The following INPP4B variants were observed in gnomAD, a reference collection of about 807,000 sequenced individuals.
The protein encoded by INPP4B is inositol polyphosphate 4-phosphatase type II.
Under a neutral mutation model 122.5 loss-of-function variants are expected in INPP4B, and 55 were observed. The observed-to-expected ratio is 0.45, with a 90% CI of 0.36 to 0.56. The LOEUF (loss-of-function observed/expected upper bound fraction) is 0.56. Among genes scored for constraint, INPP4B ranks in the 20% least tolerant of loss-of-function variants. The pLI is 0.00. For missense variants in INPP4B, 1,000 were observed against 1,097.7 expected (o/e 0.91, Z 1.26); for synonymous variants, 403 against 388.7 (o/e 1.04, Z -0.43).
intron 2 of INPP4B, among the ~76,000 whole-genome samples, chr4:142,605,205 T>C (rs1170642332): frequency 2.0e-5 from 3 of 152,134 alleles, no homozygotes; most frequent in South Asian, 2.1e-4. Flanking sequence ...TGAATAACCA[T>C]ATGCAGAAAA....
At chr4:142,374,654 A>C (rs1410621723) in intron 7 of INPP4B, among the ~76,000 whole-genome samples, 1 of 151,936 alleles carries the variant, frequency 6.6e-6, no homozygotes, top group African/African-American at 2.4e-5. Flanking sequence ...AATGTTAAGA[A>C]ATGACTAGAC....
chr4:142,440,609 G>A (rs1352908725), intron 3 of INPP4B, among the ~76,000 whole-genome samples: 1 of 152,110 alleles, frequency 6.6e-6, no homozygotes, highest in African/African-American at 2.4e-5. Flanking sequence ...TGTGGGCTGG[G>A]AAATACAAGC....
intron 8 of INPP4B, among the ~76,000 whole-genome samples, chr4:142,311,376 G>A (rs1025978515): frequency 1.3e-5 from 2 of 152,022 alleles, no homozygotes; most frequent in East Asian, 3.9e-4. Context: ...GAGTTCTGAT[G>A]GGTCACAAAA....
chr4:142,275,205 CA>C (rs1008142183), intron 9 of INPP4B, among the ~76,000 whole-genome samples: 2 of 151,426 alleles, frequency 1.3e-5, no homozygotes, highest in African/African-American at 2.4e-5. Flanking sequence ...GACACTTTTT[CA>C]AAACTTCTTT....
intron 17 of INPP4B, among the ~76,000 whole-genome samples, chr4:142,147,629 T>C (rs1478838140): frequency 6.6e-6 from 1 of 152,152 alleles, no homozygotes; most frequent in African/African-American, 2.4e-5. Flanking sequence ...GTTGAAATTA[T>C]TACTATTTGG....
chr4:142,398,401 A>AATAT lies in INPP4B; in HGVS notation c.372+4533_372+4536dup, dbSNP rs1206023677. 5.0e-3 allele frequency among the ~76,000 whole-genome samples: 141 copies of AATAT among 28,210 alleles called. 1 individual carries two copies. The highest frequency in any genetic ancestry group is 0.011 in the South Asian group (5 of 442). The allele number at this position is 28,210 out of a possible 152,430, so 18.5% of individuals were successfully genotyped here. A position where few individuals can be genotyped will look rare whatever the true frequency, so the allele number is the denominator to read the frequency against. ...TAAAAAAAAAAAAAAAAAAAAAAAA[A>AATAT]ATATATATATATATATATATATATA... is the stretch of plus-strand genomic sequence containing the variant. On this transcript the variant is annotated intron_variant, in intron 7 of 25. Transcript: ENST00000262992.
At chr4:142,762,157 A>G (rs1372523792) in intron 1 of INPP4B, among the ~76,000 whole-genome samples, 1 of 152,040 alleles carries the variant, frequency 6.6e-6, no homozygotes, top group Non-Finnish European at 1.5e-5. Context: ...TACACACTCT[A>G]CATGTCTGTG....
At chr4:142,133,534 T>A (rs1802396780) in intron 18 of INPP4B, among the ~76,000 whole-genome samples, 3 of 152,210 alleles carry the variant, frequency 2.0e-5, no homozygotes. Flanking sequence ...CACAACAGCC[T>A]AGGTGTTAAT....
intron 16 of INPP4B, among the ~76,000 whole-genome samples, chr4:142,166,679 T>G: frequency 6.6e-6 from 1 of 150,686 alleles, no homozygotes; most frequent in East Asian, 2.0e-4. Context: ...ACAAGGAACT[T>G]AAACAAATTT....
chr4:142,096,997 A>G (rs1186042715), intron 23 of INPP4B, among the ~76,000 whole-genome samples: 9 of 152,028 alleles, frequency 5.9e-5, no homozygotes, highest in African/African-American at 1.9e-4. Context: ...TTCTTAATCT[A>G]TGTCCTGGGG....
At chr4:142,649,610 T>A (rs1330421692) in intron 2 of INPP4B, among the ~76,000 whole-genome samples, 1 of 151,920 alleles carries the variant, frequency 6.6e-6, no homozygotes, top group East Asian at 1.9e-4. Flanking sequence ...GAAGAAAGAG[T>A]ATCAGTGATT....
chr4:142,494,696 G>C (rs982727848), intron 2 of INPP4B, among the ~76,000 whole-genome samples: 4 of 151,972 alleles, frequency 2.6e-5, no homozygotes, highest in African/African-American at 4.8e-5. Flanking sequence ...TTGTCCTCTA[G>C]GTAATATGCA....
At chr4:142,079,974 T>G (rs548173612) in intron 25 of INPP4B, among the ~76,000 whole-genome samples, 2 of 152,250 alleles carry the variant, frequency 1.3e-5, no homozygotes, top group African/African-American at 4.8e-5. Context: ...TTTTTTAATT[T>G]TTTTAACCAA....
chr4:142,369,587 A>AAAATAAATAAAT lies in INPP4B; in HGVS notation c.372+33339_372+33350dup, dbSNP rs34391492. On this transcript the variant is annotated intron_variant, in intron 7 of 25. Coordinates refer to ENST00000262992, the MANE Select transcript of INPP4B (RefSeq NM_001101669.3). Reference sequence around the variant, plus strand: ...ATGAGACCCTGTCTCGAAAATTAAAAAAATAAATAAATAAATAAATAAATA... The same window carrying AAAATAAATAAAT: ...ATGAGACCCTGTCTCGAAAATTAAAAAAATAAATAAATAAATAAATAAATAAATAAATAAATA... 2.1e-3 allele frequency among the ~76,000 whole-genome samples: 297 copies of AAAATAAATAAAT among 142,446 alleles called. 5 individuals are homozygous for AAAATAAATAAAT. Among genetic ancestry groups the AAAATAAATAAAT allele is most frequent in the African/African-American group, 6.9e-3 (267 of 38,820 alleles). 93.5% of individuals were successfully genotyped at this position (142,446 alleles called of 152,430 possible).
intron 2 of INPP4B, among the ~76,000 whole-genome samples, chr4:142,661,735 C>T (rs181014130): frequency 9.8e-5 from 15 of 152,314 alleles, no homozygotes; most frequent in African/African-American, 3.1e-4. Context: ...ACTACAGCTA[C>T]TAACTAGGAA....
intron 7 of INPP4B, among the ~76,000 whole-genome samples, chr4:142,358,650 T>A (rs200582505): frequency 4.4e-3 from 513 of 117,272 alleles, no homozygotes; most frequent in Non-Finnish European, 5.0e-3. Context: ...CAGTGATTTA[T>A]AAAAAAAAAA....
intron 15 of INPP4B, among the ~76,000 whole-genome samples, chr4:142,179,577 C>A (rs962711742): frequency 4.0e-4 from 4 of 10,008 alleles, no homozygotes; most frequent in Non-Finnish European, 9.2e-4. Flanking sequence ...AAAAAACATT[C>A]ATTTTTGCTG....
chr4:142,367,708 C>G (rs1000203291), intron 7 of INPP4B, among the ~76,000 whole-genome samples: 2 of 152,110 alleles, frequency 1.3e-5, no homozygotes, highest in Non-Finnish European at 2.9e-5. Context: ...CCCAGTCACA[C>G]AAGGGATGCC....
chr4:142,068,146 T>C (rs1183997952), intron 25 of INPP4B, among the ~76,000 whole-genome samples: 1 of 152,156 alleles, frequency 6.6e-6, no homozygotes, highest in Non-Finnish European at 1.5e-5. Flanking sequence ...GCAGAAACTC[T>C]ACAAGCCAGA....
Sources: allele counts gnomAD v4.1 joint callset (sites outside exome capture counted in the v4.1 genomes callset), GRCh38; gene constraint gnomAD v4.1.1; transcripts MANE v1.5; gene names NCBI Gene and HGNC (gene_info 2026-07-23, HGNC 2026-07-21).